Variants in GAL3ST1 observed in about 807,000 individuals in gnomAD.
GAL3ST1 encodes galactose-3-O-sulfotransferase 1, also known as galactosylceramide sulfotransferase.
In GAL3ST1, 13 loss-of-function variants were observed where a neutral mutation model predicts 25.0. The observed-to-expected ratio is 0.52, with a 90% confidence interval of 0.34 to 0.83. The LOEUF is 0.83. GAL3ST1 is among the 40% of genes least tolerant of loss of function. GAL3ST1 has a pLI of 0.02. For missense variants in GAL3ST1, 474 were observed against 613.6 expected, an observed-to-expected ratio of 0.77 and a Z score of 2.40; for synonymous variants, 274 against 277.8, an observed-to-expected ratio of 0.99 and a Z score of 0.14.
In GAL3ST1 at chr22:30,554,870, T is replaced by C. The variant is rs994284583; in HGVS notation, c.*83A>G. The stretch of plus-strand genomic sequence containing the variant: ...GTCTGAGGTGGCACCAGGAGGGGGC[T>C]GGGGGCGGCCAGCACCAGCGGCGTC... On this transcript the variant is annotated 3_prime_UTR_variant, in exon 4 of 4. Coordinates refer to ENST00000406361, the MANE Select transcript of GAL3ST1 (RefSeq NM_001318104.2). 23 of 1,155,218 alleles carry C rather than the reference T, an allele frequency of 2.0e-5. 1 individual carries two copies. The highest frequency in any genetic ancestry group is 2.7e-5 in the Non-Finnish European group (23 of 841,078). 71.6% of individuals were successfully genotyped at this position (1,155,218 alleles called of 1,614,324 possible).
Position 30,555,379 on chromosome 22 carries a change from G to C in GAL3ST1, c.846C>G (p.Arg282=). ...DVLYFKLNAR[R]DSPVPRLSGE... is the part of the protein sequence containing the mutation. ...CCGAGAGCCGCGGCACGGGCGAGTC[G>C]CGGCGGGCGTTGAGCTTGAAGTAGA... Residue 282 remains arginine, a synonymous_variant, in exon 4 of 4, where the codon CGC becomes CGG. Transcript: ENST00000406361. This position sits in a 1 kb window ranked among gnomAD's most constrained non-coding sequence, Gnocchi z 8.6. 5.0e-6 allele frequency: 8 copies of C among 1,608,412 alleles called. No individual in the cohort carries two copies. The highest frequency in any genetic ancestry group is 6.8e-6 in the Non-Finnish European group (8 of 1,179,782).
At chr22:30,573,382 T>C (rs2086831356) in intron 1 of GAL3ST1, among the ~76,000 whole-genome samples, 1 of 152,220 alleles carries the variant, frequency 6.6e-6, no homozygotes, top group African/African-American at 2.4e-5. Flanking sequence ...TGAATTTCCC[T>C]GAGCCTCAGT....
At chr22:30,574,161 A>G (rs998187935) in intron 1 of GAL3ST1, among the ~76,000 whole-genome samples, 15 of 152,128 alleles carry the variant, frequency 9.9e-5, no homozygotes, top group Non-Finnish European at 1.6e-4. Context: ...CAGCCCCAGC[A>G]GCCTGCCTTC....
chr22:30,560,988 A>G (rs1025980747), intron 1 of GAL3ST1, among the ~76,000 whole-genome samples: 3 of 152,108 alleles, frequency 2.0e-5, no homozygotes, highest in Non-Finnish European at 2.9e-5. Flanking sequence ...TATGTTGCCC[A>G]GGCTGGAGTG....
At chr22:30,567,642 G>A (rs991610432) in intron 1 of GAL3ST1, among the ~76,000 whole-genome samples, 3 of 151,932 alleles carry the variant, frequency 2.0e-5, no homozygotes, top group Admixed American at 6.6e-5. Flanking sequence ...GATAAATTGT[G>A]GACATCTTGC....
In GAL3ST1 at chr22:30,555,850, C is replaced by T. The variant is rs752539581; in HGVS notation, c.375G>A (p.Leu125=). ...FDYPTFFARS[L]VQDYRPGACF... ...AGGCCCCGGGCCGATAGTCCTGCAC[C>T]AGGCTGCGGGCGAAGAAGGTCGGGT... The change falls in exon 4 of 4, where the codon CTG becomes CTA. Residue 125 remains leucine (L), a synonymous_variant. Coordinates refer to ENST00000406361, the MANE Select transcript of GAL3ST1 (RefSeq NM_001318104.2). The surrounding 1 kb of genome is among the most constrained non-coding windows in gnomAD (Gnocchi z 8.6). The T allele has an allele frequency of 6.6e-5, 107 of 1,614,070 alleles. No individual in the cohort carries two copies. Among genetic ancestry groups the T allele is most frequent in the Non-Finnish European group, 8.6e-5 (101 of 1,180,040 alleles).
At chr22:30,568,937 G>A (rs1438075639) in intron 1 of GAL3ST1, among the ~76,000 whole-genome samples, 5 of 152,084 alleles carry the variant, frequency 3.3e-5, no homozygotes, top group African/African-American at 4.8e-5. Context: ...TTAGCCGGGC[G>A]TGATGGCAGG....
At chr22:30,556,656 T>C (rs1235766018) in intron 3 of GAL3ST1, among the ~76,000 whole-genome samples, 1 of 152,152 alleles carries the variant, frequency 6.6e-6, no homozygotes, top group African/African-American at 2.4e-5. Context: ...TCTCAGATGA[T>C]GCAAATCTGA....
chr22:30,555,647 A>G lies in GAL3ST1; in HGVS notation c.578T>C (p.Leu193Pro). The change falls in exon 4 of 4, where the codon CTG becomes CCG. Residue 193 changes from leucine (L) to proline (P), a missense_variant. Leu to Pro is a moderately conservative substitution (Grantham distance 98, BLOSUM62 -3). This residue lies in a region of GAL3ST1 where 359 missense variants were observed against 504.4 expected (regional missense o/e 0.71). Coordinates refer to ENST00000406361, the MANE Select transcript of GAL3ST1 (RefSeq NM_001318104.2). This position sits in a 1 kb window ranked among gnomAD's most constrained non-coding sequence, Gnocchi z 8.6. Reference sequence around the variant, plus strand: ...ATCCGGGTCTTGCAGGAACTCGGTCAGCTTGTCGCCGGCCGAGAGCTTCCA... The same window carrying G: ...ATCCGGGTCTTGCAGGAACTCGGTCGGCTTGTCGCCGGCCGAGAGCTTCCA... ...LTWKLSAGDK[L>P]TEFLQDPDRY... The G allele has an allele frequency of 6.2e-7, 1 of 1,613,714 alleles. No individual in the cohort carries two copies. Among genetic ancestry groups the G allele is most frequent in the Non-Finnish European group, 8.5e-7 (1 of 1,180,018 alleles).
At chr22:30,557,094 G>A (rs1652017191) in intron 3 of GAL3ST1, among the ~76,000 whole-genome samples, 168 bp downstream of exon 3, 1 of 152,180 alleles carries the variant, frequency 6.6e-6, no homozygotes. Context: ...AGAGTTACAC[G>A]GCGAGCTCTG....
At chr22:30,557,225 C>A (rs750827035) in intron 3 of GAL3ST1, 37 bp downstream of exon 3, 3 of 1,610,666 alleles carry the variant, frequency 1.9e-6, no homozygotes, top group Non-Finnish European at 2.5e-6. Context: ...ATCCCTCCCC[C>A]ACCTACACCC....
chr22:30,559,391 C>T (rs933535281), intron 1 of GAL3ST1, among the ~76,000 whole-genome samples: 1 of 151,982 alleles, frequency 6.6e-6, no homozygotes, highest in Non-Finnish European at 1.5e-5. Flanking sequence ...CAGGCACACG[C>T]CACCACACCC....
intron 1 of GAL3ST1, among the ~76,000 whole-genome samples, chr22:30,564,518 G>C (rs1840135186): frequency 6.6e-6 from 1 of 152,160 alleles, no homozygotes; most frequent in Non-Finnish European, 1.5e-5. Flanking sequence ...AGGCACTCAG[G>C]ATGGACGGTC....
rs764926485 is a variant in GAL3ST1, at chr22:30,555,227, G to T, written c.998C>A (p.Ala333Asp). The change falls in exon 4 of 4, where the codon GCC becomes GAC. Residue 333 changes from alanine (A) to aspartate (D), a missense_variant. Physicochemically the swap from Ala to Asp is moderately radical, Grantham distance 126. This residue lies in a region of GAL3ST1 where 359 missense variants were observed against 504.4 expected (regional missense o/e 0.71). Coordinates refer to ENST00000406361, the MANE Select transcript of GAL3ST1 (RefSeq NM_001318104.2). The surrounding 1 kb of genome is among the most constrained non-coding windows in gnomAD (Gnocchi z 8.6). ...CATGCGCTCGTTGGCATGGCGCAGGGCGGCCACCTCGCGGGCCATGCGCTC... is the reference window on the plus strand; with the variant it reads ...CATGCGCTCGTTGGCATGGCGCAGGTCGGCCACCTCGCGGGCCATGCGCTC... ...GRERMAREVA[A>D]LRHANERMRT... 2 of 1,598,978 alleles carry T rather than the reference G, an allele frequency of 1.3e-6. No individual in the cohort carries two copies. The highest frequency in any genetic ancestry group is 3.4e-5 in the Admixed American group (2 of 59,624).
At chr22:30,574,076 A>G (rs1490566206) in intron 1 of GAL3ST1, among the ~76,000 whole-genome samples, 1 of 151,978 alleles carries the variant, frequency 6.6e-6, no homozygotes, top group Non-Finnish European at 1.5e-5. Context: ...GACAGGGGAG[A>G]TCTCTGCCCC....
At chr22:30,567,209 A>G (rs962294070) in intron 1 of GAL3ST1, among the ~76,000 whole-genome samples, 2 of 152,202 alleles carry the variant, frequency 1.3e-5, no homozygotes, top group African/African-American at 4.8e-5. Flanking sequence ...AAAGAACCCC[A>G]ACCCCAGAGG....
At chr22:30,556,148 A>C (rs2086013975) in intron 3 of GAL3ST1, 55 bp from the exon 4 acceptor site, 6 of 1,380,494 alleles carry the variant, frequency 4.3e-6, no homozygotes, top group Non-Finnish European at 4.0e-6. Flanking sequence ...GGCCCTCAGG[A>C]CTCTGGTAGT....
chr22:30,571,862 TCAAAAA>T (rs573089561), intron 1 of GAL3ST1, among the ~76,000 whole-genome samples: 1 of 152,088 alleles, frequency 6.6e-6, no homozygotes, highest in African/African-American at 2.4e-5. Flanking sequence ...AGACTCCGTC[TCAAAAA>T]CAAAAACAAA....
Position 30,555,810 on chromosome 22 carries a change from A to C in GAL3ST1, c.415T>G (p.Cys139Gly). Residue 139 changes from cysteine (C) to glycine (G), a missense_variant, in exon 4 of 4, where the codon TGC (cysteine) becomes GGC (glycine). Cys to Gly is a radical substitution (Grantham distance 159). Transcript: ENST00000406361. The surrounding 1 kb of genome is among the most constrained non-coding windows in gnomAD (Gnocchi z 8.6). ...YRPGACFNII[C>G]NHMRFHYDEV... ...TCGTAGTGGAAGCGCATGTGGTTGCAGATGATGTTGAAGCAGGCCCCGGGC... is the reference window on the plus strand; with the variant it reads ...TCGTAGTGGAAGCGCATGTGGTTGCCGATGATGTTGAAGCAGGCCCCGGGC... 1 of 1,614,160 alleles carries C rather than the reference A, an allele frequency of 6.2e-7. No individual in the cohort carries two copies. The highest frequency in any genetic ancestry group is 1.3e-5 in the African/African-American group (1 of 75,064).
Sources: gnomAD v4.1 joint callset for allele counts (sites outside exome capture counted in the v4.1 genomes callset) on GRCh38, gnomAD v4.1.1 for gene constraint, gnomAD v4.1.1 regional missense constraint, Gnocchi (gnomAD v3.1) non-coding constraint, MANE v1.5 for transcripts, NCBI Gene and HGNC (gene_info 2026-07-23, HGNC 2026-07-21) for gene names.